Variants in PDE4D observed in about 807,000 individuals in gnomAD.
PDE4D encodes phosphodiesterase 4D.
Under a neutral mutation model 87.4 loss-of-function variants are expected in PDE4D, and 24 were observed. The observed-to-expected ratio is 0.27, with a 90% confidence interval of 0.20 to 0.39. PDE4D has a LOEUF of 0.39. PDE4D is among the 10% of genes least tolerant of loss of function. The probability of loss-of-function intolerance (pLI) is 1.00; values close to 1 mark genes in which losing one functional copy is unlikely to be tolerated. For missense variants in PDE4D, 714 were observed against 1,041.0 expected (o/e 0.69, Z 4.32); for synonymous variants, 384 against 383.2 (o/e 1.00, Z -0.02).
intron 6 of PDE4D, among the ~76,000 whole-genome samples, chr5:59,037,650 T>C (rs1758761518): frequency 1.3e-5 from 2 of 152,080 alleles, no homozygotes; most frequent in Non-Finnish European, 2.9e-5. Flanking sequence ...AGTGTGCATA[T>C]GGGTAGGTTA....
At chr5:59,418,576 C>G (rs953203807) in intron 1 of PDE4D, among the ~76,000 whole-genome samples, 1 of 152,172 alleles carries the variant, frequency 6.6e-6, no homozygotes, top group African/African-American at 2.4e-5. Flanking sequence ...TGGTACTTAA[C>G]AGAACACATG....
At chr5:59,836,738 T>C (rs1249315910) in intron 1 of PDE4D, among the ~76,000 whole-genome samples, 1 of 151,948 alleles carries the variant, frequency 6.6e-6, no homozygotes. Flanking sequence ...TATCTAGAGA[T>C]AGAGCAAAAG....
chr5:59,324,742 G>A (rs1238163527), intron 1 of PDE4D, among the ~76,000 whole-genome samples: 1 of 152,042 alleles, frequency 6.6e-6, no homozygotes, highest in Admixed American at 6.6e-5. Flanking sequence ...GTGACTTGGA[G>A]CCTCCCACCT....
At chr5:59,204,032 A>G (rs1748161500) in intron 2 of PDE4D, among the ~76,000 whole-genome samples, 1 of 152,212 alleles carries the variant, frequency 6.6e-6, no homozygotes, top group Non-Finnish European at 1.5e-5. Context: ...AAAAAATGAT[A>G]AATTGTTAGG....
intron 1 of PDE4D, among the ~76,000 whole-genome samples, chr5:59,664,899 G>A (rs1216548685): frequency 6.6e-6 from 1 of 152,032 alleles, no homozygotes; most frequent in Admixed American, 6.6e-5. Flanking sequence ...AGTTTTCTGT[G>A]GATAGACTTT....
chr5:59,040,310 T>C (rs1759462453), intron 5 of PDE4D, among the ~76,000 whole-genome samples: 1 of 152,194 alleles, frequency 6.6e-6, no homozygotes. Flanking sequence ...ATTCACAAAT[T>C]TGACAATAGG....
chr5:59,690,128 AAT>A (rs1750651877), intron 1 of PDE4D, among the ~76,000 whole-genome samples: 2 of 152,216 alleles, frequency 1.3e-5, no homozygotes, highest in African/African-American at 2.4e-5. Flanking sequence ...ATATCATGAA[AAT>A]GGCCACACTG....
intron 2 of PDE4D, among the ~76,000 whole-genome samples, chr5:60,063,137 A>G (rs539788525): frequency 9.2e-4 from 138 of 150,606 alleles, no homozygotes; most frequent in Middle Eastern, 3.4e-3. Flanking sequence ...AAAGAAAGAA[A>G]GAAAGAAAGA....
intron 5 of PDE4D, among the ~76,000 whole-genome samples, chr5:59,123,635 T>G (rs941542416): frequency 6.6e-6 from 1 of 152,198 alleles, no homozygotes; most frequent in African/African-American, 2.4e-5. Flanking sequence ...ACCAAATGTT[T>G]TATCCTCATT....
At chr5:59,410,885 A>T (rs904213478) in intron 1 of PDE4D, among the ~76,000 whole-genome samples, 11 of 152,176 alleles carry the variant, frequency 7.2e-5, no homozygotes, top group African/African-American at 2.7e-4. Context: ...TATAAGGCTA[A>T]CTGACAGAGT....
intron 1 of PDE4D, among the ~76,000 whole-genome samples, chr5:59,386,694 G>GGAGGAAGGGAGGAAGAGAGGGAGT (rs1554151222): frequency 3.2e-5 from 4 of 126,300 alleles, no homozygotes; most frequent in Non-Finnish European, 7.7e-5. Context: ...CAGGAGGAAG[G>GGAGGAAGGGAGGAAGAGAGGGAGT]GAGGGAGGGA....
At chr5:59,450,455 A>C (rs966071660) in intron 1 of PDE4D, among the ~76,000 whole-genome samples, 1 of 152,224 alleles carries the variant, frequency 6.6e-6, no homozygotes, top group Non-Finnish European at 1.5e-5. Context: ...AGTGGCCAAA[A>C]GGTGACTGAG....
chr5:59,891,997 C>G (rs1751025254), intron 1 of PDE4D, among the ~76,000 whole-genome samples: 1 of 152,188 alleles, frequency 6.6e-6, no homozygotes, highest in South Asian at 2.1e-4. Context: ...CTGTCCACAT[C>G]TAAGGTTAGA....
rs189382553 is a variant in PDE4D, at chr5:59,088,558, C to A, written c.809-49587G>T. ...AAGACATAGAATCAACCTAAATGCC[C>A]AACAGTAGTAGACAGGATAAAGCAA... On this transcript the variant is annotated intron_variant, in intron 5 of 14. Transcript: ENST00000340635. 6.6e-5 allele frequency among the ~76,000 whole-genome samples: 10 copies of A among 152,188 alleles called. No homozygotes were observed. The East Asian group carries it at 1.7e-3, about 26-fold the overall frequency.
chr5:59,742,121 T>C (rs1758935303), intron 1 of PDE4D, among the ~76,000 whole-genome samples: 1 of 152,074 alleles, frequency 6.6e-6, no homozygotes, highest in African/African-American at 2.4e-5. Flanking sequence ...TGGAGTGCAA[T>C]GGCGCAGTCT....
At chr5:59,797,765 T>G (rs1208025283) in intron 1 of PDE4D, among the ~76,000 whole-genome samples, 1 of 152,166 alleles carries the variant, frequency 6.6e-6, no homozygotes, top group Non-Finnish European at 1.5e-5. Context: ...CCTCTCTTCA[T>G]AGGGATTATT....
At chr5:60,167,469 C>T (rs1223627666) in intron 2 of PDE4D, among the ~76,000 whole-genome samples, 5 of 151,846 alleles carry the variant, frequency 3.3e-5, no homozygotes, top group South Asian at 4.2e-4. Context: ...GGGGTTTCAC[C>T]GTGTTAGCCA....
chr5:59,326,858 T>C (rs1343818200), intron 1 of PDE4D, among the ~76,000 whole-genome samples: 1 of 152,132 alleles, frequency 6.6e-6, no homozygotes, highest in Non-Finnish European at 1.5e-5. Context: ...TAAATTCCTT[T>C]CCAATTCGCA....
chr5:59,810,249 G>A (rs1768197693), intron 1 of PDE4D, among the ~76,000 whole-genome samples: 1 of 152,150 alleles, frequency 6.6e-6, no homozygotes, highest in African/African-American at 2.4e-5. Context: ...AAAATCAGTC[G>A]GCCTTCACAG....
Sources: gnomAD v4.1 joint callset for allele counts (sites outside exome capture counted in the v4.1 genomes callset) on GRCh38, gnomAD v4.1.1 for gene constraint, MANE v1.5 for transcripts, NCBI Gene and HGNC (gene_info 2026-07-23, HGNC 2026-07-21) for gene names.